Variants in ANKRD36B observed in about 807,000 individuals in gnomAD.
The protein encoded by ANKRD36B is ankyrin repeat domain 36B, also known as ankyrin repeat domain-containing protein 36B.
Under a neutral mutation model 135.7 loss-of-function variants are expected in ANKRD36B, and 37 were observed. That is an observed-to-expected ratio of 0.27 (90% CI 0.21 to 0.36). The LOEUF is 0.36. Ranked by LOEUF, ANKRD36B falls within the 10% of genes least tolerant of loss-of-function variation. The pLI is 1.00. For missense variants in ANKRD36B, 549 were observed against 1,037.1 expected (o/e 0.53, Z 6.46); for synonymous variants, 179 against 348.1 (o/e 0.51, Z 5.41).
At position 97,559,250 on chromosome 2, in the gene ANKRD36B, G is replaced by C. The variant is rs554866052; in HGVS notation, c.866-256C>G. Among the ~76,000 whole-genome samples, 19 of 151,858 alleles carry C rather than the reference G, an allele frequency of 1.3e-4. No homozygotes were observed. In the East Asian group the frequency reaches 2.3e-3, roughly 19 times the overall value. ...ATACATCTAAAACTAAAATAAAACC[G>C]TGTCAATATCAATGTGGATATGCCG... On this transcript the variant is annotated intron_variant, in intron 8 of 43. Transcript: ENST00000359901.
chr2:97,566,130 C>T (rs1262544478), intron 6 of ANKRD36B, among the ~76,000 whole-genome samples: 1 of 149,738 alleles, frequency 6.7e-6, no homozygotes, highest in African/African-American at 2.5e-5. Context: ...CCTGGCCAAA[C>T]ATGGTGAAAC....
chr2:97,580,051 T>C (rs2082523043), intron 4 of ANKRD36B, among the ~76,000 whole-genome samples: 1 of 152,204 alleles, frequency 6.6e-6, no homozygotes, highest in Non-Finnish European at 1.5e-5. Context: ...CCCATATCAA[T>C]TAAAAACAAC....
At chr2:97,579,754 A>G (rs548664982) in intron 4 of ANKRD36B, among the ~76,000 whole-genome samples, 86 of 146,494 alleles carry the variant, frequency 5.9e-4, no homozygotes, top group Non-Finnish European at 1.1e-3. Context: ...TATTATATGC[A>G]CATACTTATA....
intron 6 of ANKRD36B, among the ~76,000 whole-genome samples, chr2:97,567,674 T>C (rs192351014): frequency 4.1e-4 from 63 of 152,222 alleles, no homozygotes; most frequent in Non-Finnish European, 6.5e-4. Flanking sequence ...CATCATAAGG[T>C]TTAAATTGCC....
At chr2:97,565,377 G>T (rs1415230254) in intron 6 of ANKRD36B, among the ~76,000 whole-genome samples, 2 of 151,756 alleles carry the variant, frequency 1.3e-5, no homozygotes, top group Non-Finnish European at 2.9e-5. Flanking sequence ...GATTACCCTG[G>T]CCAGAACTTC....
chr2:97,586,548 A>C (rs1263806587), intron 1 of ANKRD36B, among the ~76,000 whole-genome samples: 2 of 152,204 alleles, frequency 1.3e-5, no homozygotes, highest in East Asian at 1.9e-4. Context: ...TGTGTCTGCT[A>C]CATAATAGGT....
rs559241346 is a variant in ANKRD36B at position 97,547,459 on chromosome 2, C to G, written c.1579+77G>C. 382 of 1,398,076 alleles carry G rather than the reference C, an allele frequency of 2.7e-4. 1 individual carries two copies. Among genetic ancestry groups the G allele is most frequent in the Non-Finnish European group, 3.4e-4 (353 of 1,027,828 alleles). The allele number at this position is 1,398,076 out of a possible 1,614,324, so 86.6% of individuals were successfully genotyped here. On this transcript the variant is annotated intron_variant, in intron 22 of 43. Transcript: ENST00000359901. Reference sequence around the variant, plus strand: ...CAGAATGTGCAGCTTCAACGAGCCCCCCGCAGATTTATTCAGGGAAGAGAA... The same window carrying G: ...CAGAATGTGCAGCTTCAACGAGCCCGCCGCAGATTTATTCAGGGAAGAGAA...
In ANKRD36B at chr2:97,537,194, T is replaced by G. The variant is rs987958186; in HGVS notation, c.2090-698A>C. Among the ~76,000 whole-genome samples the G allele has an allele frequency of 8.3e-5, 8 of 96,032 alleles. 1 individual carries two copies. Among genetic ancestry groups the G allele is most frequent in the African/African-American group, 2.5e-4 (8 of 32,092 alleles). The allele number at this position is 96,032 out of a possible 152,430, so 63.0% of individuals were successfully genotyped here. ...AAACCCCATCGAAAAGTATAATAAA[T>G]TATACATATTTATACAAAATGGAAT... On this transcript the variant is annotated intron_variant, in intron 32 of 43. Coordinates refer to ENST00000359901, the MANE Select transcript of ANKRD36B (RefSeq NM_001393939.1).
At chr2:97,556,726 T>C (rs1344065254) in intron 12 of ANKRD36B, among the ~76,000 whole-genome samples, 3 of 151,928 alleles carry the variant, frequency 2.0e-5, no homozygotes, top group Non-Finnish European at 2.9e-5. Context: ...CTATCCAATT[T>C]CAATGTAGGG....
chr2:97,568,142 G>GAT (rs1417428237), intron 6 of ANKRD36B, among the ~76,000 whole-genome samples: 1 of 151,548 alleles, frequency 6.6e-6, no homozygotes, highest in Non-Finnish European at 1.5e-5. Context: ...TTTTATTATA[G>GAT]ATATATATGT....
intron 22 of ANKRD36B, 148 bp downstream of exon 22, chr2:97,547,388 T>G: frequency 2.0e-6 from 2 of 991,104 alleles, no homozygotes; most frequent in Non-Finnish European, 2.9e-6. Flanking sequence ...AGCAACACTA[T>G]CACCCACGAA....
At position 97,547,714 on chromosome 2, in the gene ANKRD36B, G is replaced by C. The variant is rs1303089681; in HGVS notation, c.1495C>G (p.Pro499Ala). The C allele has an allele frequency of 1.3e-6, 2 of 1,562,068 alleles. No homozygotes were observed. The highest frequency in any genetic ancestry group is 2.7e-5 in the African/African-American group (2 of 73,564). ...GACAGTTTCATTACCTTCAAGCCTG[G>C]TGGTTGCTCAAAAGACACTGAAAAG... is the stretch of plus-strand genomic sequence containing the variant. ...KSRTVSFEQP[P>A]GLKATRDEKD... Residue 499 changes from proline (P) to alanine (A), a missense_variant, in exon 21 of 44, where the codon CCA becomes GCA. Coordinates refer to ENST00000359901, the MANE Select transcript of ANKRD36B (RefSeq NM_001393939.1).
In ANKRD36B at chr2:97,531,781, A is replaced by C. The variant is rs1181180875; in HGVS notation, c.2265+530T>G. 2.1e-5 allele frequency among the ~76,000 whole-genome samples: 2 copies of C among 96,424 alleles called. 1 individual carries two copies. The allele number at this position is 96,424 out of a possible 152,430, so 63.3% of individuals were successfully genotyped here. A position where few individuals can be genotyped will look rare whatever the true frequency, so the allele number is the denominator to read the frequency against. On this transcript the variant is annotated intron_variant, in intron 35 of 43. Coordinates refer to ENST00000359901, the MANE Select transcript of ANKRD36B (RefSeq NM_001393939.1). ...CTAATACCAAAGGTGCCATTTTGCA[A>C]GGTATAATTCTCTTGATAGCCAGTT...
chr2:97,506,705 T>G, intron 43 of ANKRD36B, among the ~76,000 whole-genome samples: 1 of 92,976 alleles, frequency 1.1e-5, no homozygotes, highest in East Asian at 2.3e-4. Flanking sequence ...CTTGAGAAGT[T>G]GATAATGCCT....
chr2:97,562,192 C>G (rs537645557), intron 6 of ANKRD36B, among the ~76,000 whole-genome samples: 41 of 150,168 alleles, frequency 2.7e-4, no homozygotes, highest in African/African-American at 8.5e-4. Flanking sequence ...AACAAAGTTT[C>G]TAAATCACTA....
intron 6 of ANKRD36B, among the ~76,000 whole-genome samples, chr2:97,574,100 C>A (rs2082067670): frequency 6.6e-6 from 1 of 152,146 alleles, no homozygotes; most frequent in Non-Finnish European, 1.5e-5. Context: ...AGTGAACAGG[C>A]AACCTACGGA....
intron 6 of ANKRD36B, among the ~76,000 whole-genome samples, chr2:97,563,623 G>A (rs558560578): frequency 8.5e-5 from 13 of 152,184 alleles, no homozygotes; most frequent in African/African-American, 3.1e-4. Context: ...AAGAGGACAA[G>A]TAACACTTTG....
Position 97,541,597 on chromosome 2 carries a change from C to T in ANKRD36B, c.1885+314G>A, listed in dbSNP as rs1367943000. Among the ~76,000 whole-genome samples the T allele has an allele frequency of 2.1e-5, 2 of 95,706 alleles. 1 individual carries two copies. The highest frequency in any genetic ancestry group is 6.3e-5 in the African/African-American group (2 of 31,948). 62.8% of individuals were successfully genotyped at this position (95,706 alleles called of 152,430 possible). A position where few individuals can be genotyped will look rare whatever the true frequency, so the allele number is the denominator to read the frequency against. ...ATATCTATTACTTCATCTCTTTCTCCTTCCCCTCTTGATGGAAACTTGCTG... is the reference window on the plus strand; with the variant it reads ...ATATCTATTACTTCATCTCTTTCTCTTTCCCCTCTTGATGGAAACTTGCTG... On this transcript the variant is annotated intron_variant, in intron 28 of 43. Transcript: ENST00000359901.
rs1428059371 is a variant in ANKRD36B, at chr2:97,532,601, T to C, written c.2192-217A>G. On this transcript the variant is annotated intron_variant, in intron 34 of 43. Transcript: ENST00000359901. ...AACTGGGCGTGGTGGCAGGTGCCTG[T>C]AGTCCCAGCTAGTCGGGAGGCTGGG... is the stretch of plus-strand genomic sequence containing the variant. Among the ~76,000 whole-genome samples the C allele has an allele frequency of 3.2e-5, 3 of 94,622 alleles. 1 individual carries two copies. Among genetic ancestry groups the C allele is most frequent in the Non-Finnish European group, 8.4e-5 (3 of 35,750 alleles). The allele number at this position is 94,622 out of a possible 152,430, so 62.1% of individuals were successfully genotyped here. A position where few individuals can be genotyped will look rare whatever the true frequency, so the allele number is the denominator to read the frequency against.
Sources: gnomAD v4.1 joint callset for allele counts (sites outside exome capture counted in the v4.1 genomes callset) on GRCh38, gnomAD v4.1.1 for gene constraint, MANE v1.5 for transcripts, NCBI Gene and HGNC (gene_info 2026-07-23, HGNC 2026-07-21) for gene names.